Variants in ATP5PO observed in about 807,000 individuals in gnomAD.
The protein encoded by ATP5PO is ATP synthase peripheral stalk subunit OSCP, mitochondrial.
In ATP5PO, 14 loss-of-function variants were observed where a neutral mutation model predicts 26.2. The observed-to-expected ratio is 0.53, with a 90% confidence interval of 0.35 to 0.83. The LOEUF (loss-of-function observed/expected upper bound fraction) is 0.83, where lower values mean the gene tolerates loss of function less well. ATP5PO is among the 40% of genes least tolerant of loss of function. ATP5PO has a pLI of 0.01. For synonymous variants in ATP5PO, 106 were observed against 95.1 expected (o/e 1.12, Z -0.67); for missense variants, 241 against 258.5 (o/e 0.93, Z 0.46).
At chr21:33,908,838 C>T (rs548116494) in intron 4 of ATP5PO, 1 of 396,880 alleles carries the variant, frequency 2.5e-6, no homozygotes, top group Non-Finnish European at 4.4e-6. Context: ...AAACTACTGA[C>T]TATACAATTA....
chr21:33,909,116 T>C lies in ATP5PO; in HGVS notation c.294A>G (p.Lys98=). ...KVKSLNDITA[K]ERFSPLTTNL... Reference sequence around the variant, plus strand: ...TGGTAGTGAGGGGAGAGAACCTCTCTTTTGCTGTGATGTCATTTAGGCTTT... The same window carrying C: ...TGGTAGTGAGGGGAGAGAACCTCTCCTTTGCTGTGATGTCATTTAGGCTTT... Residue 98 remains lysine, a synonymous_variant, in exon 4 of 7, where the codon AAA becomes AAG. Coordinates refer to ENST00000290299, the MANE Select transcript of ATP5PO (RefSeq NM_001697.3). The C allele has an allele frequency of 6.2e-7, 1 of 1,613,120 alleles. No individual in the cohort carries two copies.
intron 5 of ATP5PO, among the ~76,000 whole-genome samples, chr21:33,905,921 A>AAAAAAAAAAAG (rs1987165091): frequency 6.7e-6 from 1 of 149,834 alleles, no homozygotes; most frequent in Non-Finnish European, 1.5e-5. Context: ...CAAAAAAGAA[A>AAAAAAAAAAAG]AAAAAAAAAA....
At chr21:33,907,591 AAC>A in intron 4 of ATP5PO, 138 bp from the exon 5 acceptor site, 1 of 662,078 alleles carries the variant, frequency 1.5e-6, no homozygotes. Context: ...CTATAATCCC[AAC>A]TACTGGAGGC....
chr21:33,906,800 G>A, intron 5 of ATP5PO: 1 of 456,132 alleles, frequency 2.2e-6, no homozygotes, highest in South Asian at 1.5e-5. Context: ...CAAGCCTGGA[G>A]AACACAGTAA....
intron 6 of ATP5PO, 84 bp downstream of exon 6, chr21:33,903,851 T>G: frequency 3.2e-6 from 4 of 1,266,210 alleles, no homozygotes; most frequent in Non-Finnish European, 4.4e-6. Context: ...TAGAGTTAGA[T>G]CTAATATTTC....
At chr21:33,905,697 G>C (rs1472956640) in intron 5 of ATP5PO, among the ~76,000 whole-genome samples, 3 of 152,112 alleles carry the variant, frequency 2.0e-5, no homozygotes, top group African/African-American at 7.2e-5. Flanking sequence ...TGGATTGGCT[G>C]AAGTCAGGAG....
chr21:33,913,260 T>C lies in ATP5PO; in HGVS notation c.88-861A>G, dbSNP rs543755265. 7.2e-5 allele frequency among the ~76,000 whole-genome samples: 11 copies of C among 152,322 alleles called. No homozygotes were observed. In the South Asian group the frequency reaches 2.3e-3, roughly 32 times the overall value. ...GGTAATGAGGACGGGACAGGATAATTATCTTCCTAAATTCCACCTGACGTG... is the reference window on the plus strand; with the variant it reads ...GGTAATGAGGACGGGACAGGATAATCATCTTCCTAAATTCCACCTGACGTG... On this transcript the variant is annotated intron_variant, in intron 2 of 6. Coordinates refer to ENST00000290299, the MANE Select transcript of ATP5PO (RefSeq NM_001697.3).
At chr21:33,914,566 TAAC>T (rs1233467237) in intron 1 of ATP5PO, 66 bp from the exon 2 acceptor site, 2 of 1,470,400 alleles carry the variant, frequency 1.4e-6, no homozygotes, top group Admixed American at 3.7e-5. Flanking sequence ...TTTAACTCAA[TAAC>T]AACAAAAAAT....
intron 6 of ATP5PO, 106 bp downstream of exon 6, chr21:33,903,829 G>A (rs1262624073): frequency 5.9e-5 from 69 of 1,165,180 alleles, no homozygotes; most frequent in Non-Finnish European, 8.0e-5. Context: ...TTTAACTACA[G>A]AAAAATTAGT....
chr21:33,910,665 C>T (rs41494645), intron 3 of ATP5PO, among the ~76,000 whole-genome samples: 4,541 of 152,266 alleles, frequency 0.03, 238 homozygotes, highest in African/African-American at 0.1. Context: ...TCCAAAAATG[C>T]CTGTGTGAGA....
chr21:33,913,150 G>A (rs970817193), intron 2 of ATP5PO, among the ~76,000 whole-genome samples: 1 of 152,150 alleles, frequency 6.6e-6, no homozygotes, highest in African/African-American at 2.4e-5. Flanking sequence ...GGGAAGACCA[G>A]TTACTCCTTA....
chr21:33,913,258 A>G (rs1243836683), intron 2 of ATP5PO, among the ~76,000 whole-genome samples: 1 of 152,172 alleles, frequency 6.6e-6, no homozygotes, highest in African/African-American at 2.4e-5. Context: ...GGACAGGATA[A>G]TTATCTTCCT....
At chr21:33,907,805 G>A (rs1309657478) in intron 4 of ATP5PO, among the ~76,000 whole-genome samples, 2 of 152,152 alleles carry the variant, frequency 1.3e-5, no homozygotes, top group African/African-American at 4.8e-5. Context: ...CAGCCTGGGC[G>A]ACAGAGCAAG....
intron 1 of ATP5PO, 136 bp from the exon 2 acceptor site, chr21:33,914,636 A>T: frequency 1.3e-6 from 1 of 745,258 alleles, no homozygotes; most frequent in Non-Finnish European, 2.2e-6. Flanking sequence ...ATATTACATG[A>T]GGGTGAGCTA....
At chr21:33,905,141 A>G (rs1781296103) in intron 5 of ATP5PO, among the ~76,000 whole-genome samples, 1 of 152,184 alleles carries the variant, frequency 6.6e-6, no homozygotes. Flanking sequence ...TTGTAAAGAT[A>G]TAACAATATC....
rs1021871169 is a variant in ATP5PO, at chr21:33,909,054, C to A, written c.328+28G>T. ...CATTTCCAGTCATAGTTTCAAGACA[C>A]CTCAAATGAAAAAGTTCTAATACTC... On this transcript the variant is annotated intron_variant, in intron 4 of 6. Coordinates refer to ENST00000290299, the MANE Select transcript of ATP5PO (RefSeq NM_001697.3). 14 of 1,572,870 alleles carry A rather than the reference C, an allele frequency of 8.9e-6. No individual in the cohort carries two copies. The African/African-American group carries it at 1.2e-4, about 14-fold the overall frequency.
intron 4 of ATP5PO, among the ~76,000 whole-genome samples, chr21:33,907,937 C>T (rs139842090): frequency 6.6e-5 from 10 of 152,122 alleles, no homozygotes; most frequent in East Asian, 5.8e-4. Flanking sequence ...AGACAGCTTG[C>T]GTCCAGGAGT....
rs768685035 is a variant in ATP5PO, at chr21:33,907,329, C to T, written c.441+12G>A. 3.7e-6 allele frequency: 6 copies of T among 1,601,676 alleles called. No homozygotes were observed. In the East Asian group the frequency reaches 1.1e-4, roughly 30 times the overall value. ...ATCAAGGCAAACACAGCAGCAACAA[C>T]CCGTTACTTACAGATGCAGAGGTCA... On this transcript the variant is annotated intron_variant, in intron 5 of 6. Coordinates refer to ENST00000290299, the MANE Select transcript of ATP5PO (RefSeq NM_001697.3).
chr21:33,911,718 G>A (rs1371139007), intron 3 of ATP5PO, among the ~76,000 whole-genome samples: 1 of 144,806 alleles, frequency 6.9e-6, no homozygotes, highest in Non-Finnish European at 1.5e-5. Flanking sequence ...CGGGGCTGGA[G>A]TGCAATGGCG....
Sources: allele counts gnomAD v4.1 joint callset (sites outside exome capture counted in the v4.1 genomes callset), GRCh38; gene constraint gnomAD v4.1.1; transcripts MANE v1.5; gene names NCBI Gene and HGNC (gene_info 2026-07-23, HGNC 2026-07-21).